Variants in PPP3CA observed in about 807,000 individuals in gnomAD.
PPP3CA encodes the protein CAM-PRP catalytic subunit.
Under a neutral mutation model 66.5 loss-of-function variants are expected in PPP3CA, and 14 were observed. The ratio of observed to expected loss-of-function variants is 0.21; its 90% CI spans 0.14 to 0.33. The LOEUF is 0.33. Among genes scored for constraint, PPP3CA ranks in the 10% least tolerant of loss-of-function variants. PPP3CA has a pLI of 1.00. For synonymous variants in PPP3CA, 232 were observed against 226.2 expected, an observed-to-expected ratio of 1.03 and a Z score of -0.23; for missense variants, 317 against 639.5, an observed-to-expected ratio of 0.50 and a Z score of 5.44.
chr4:101,346,903 G>GC lies in PPP3CA; in HGVS notation c.-108dup, dbSNP rs1730024650. The GC allele has an allele frequency of 5.9e-5, 80 of 1,366,660 alleles. No homozygotes were observed. Among genetic ancestry groups the GC allele is most frequent in the Non-Finnish European group, 7.8e-5 (77 of 987,452 alleles). 84.7% of individuals were successfully genotyped at this position (1,366,660 alleles called of 1,614,324 possible). A position where few individuals can be genotyped will look rare whatever the true frequency, so the allele number is the denominator to read the frequency against. ...CGCCGCCGCCGCCGCCGCCGCCGCCGCGCTGCAAACCGCTCGGCTGGAGGT... is the reference window on the plus strand; with the variant it reads ...CGCCGCCGCCGCCGCCGCCGCCGCCGCCGCTGCAAACCGCTCGGCTGGAGGT... On this transcript the variant is annotated 5_prime_UTR_variant, in exon 1 of 14. Transcript: ENST00000394854.
intron 4 of PPP3CA, 95 bp from the exon 5 acceptor site, chr4:101,098,607 C>T: frequency 8.4e-7 from 1 of 1,191,174 alleles, no homozygotes; most frequent in Non-Finnish European, 1.2e-6. Context: ...TTGCTAGGAC[C>T]CTATTATTAA....
At chr4:101,270,214 A>G (rs981815317) in intron 1 of PPP3CA, among the ~76,000 whole-genome samples, 6 of 152,186 alleles carry the variant, frequency 3.9e-5, no homozygotes, top group African/African-American at 1.4e-4. Context: ...GCTACTGCAT[A>G]AAAAGGAAGT....
At chr4:101,186,444 A>C (rs1421081792) in intron 2 of PPP3CA, among the ~76,000 whole-genome samples, 1 of 152,176 alleles carries the variant, frequency 6.6e-6, no homozygotes, top group Non-Finnish European at 1.5e-5. Context: ...ATTTACATCC[A>C]AATGATTCTC....
intron 1 of PPP3CA, among the ~76,000 whole-genome samples, chr4:101,237,088 T>C (rs932695485): frequency 6.0e-5 from 9 of 150,520 alleles, no homozygotes; most frequent in African/African-American, 2.2e-4. Context: ...AGATATAGTA[T>C]TGTTATTTTA....
intron 1 of PPP3CA, among the ~76,000 whole-genome samples, chr4:101,275,665 G>A (rs1039217364): frequency 6.6e-6 from 1 of 152,040 alleles, no homozygotes; most frequent in African/African-American, 2.4e-5. Context: ...ATTTAACAAA[G>A]GTCACATTTT....
At chr4:101,150,310 G>GTTCT (rs1723097608) in intron 2 of PPP3CA, among the ~76,000 whole-genome samples, 1 of 152,286 alleles carries the variant, frequency 6.6e-6, no homozygotes, top group African/African-American at 2.4e-5. Flanking sequence ...ACCGCTAACA[G>GTTCT]TTCTTAAGCT....
chr4:101,162,528 AAAAT>A (rs70961778), intron 2 of PPP3CA, among the ~76,000 whole-genome samples: 2,301 of 143,952 alleles, frequency 0.016, 61 homozygotes, highest in African/African-American at 0.047. Flanking sequence ...AGACTCCATC[AAAAT>A]AAATAAATAA....
chr4:101,126,823 GA>G (rs1316694880), intron 2 of PPP3CA, among the ~76,000 whole-genome samples: 1 of 152,146 alleles, frequency 6.6e-6, no homozygotes, highest in Non-Finnish European at 1.5e-5. Flanking sequence ...ACCTGTGTTG[GA>G]AAATGGCCAG....
chr4:101,030,101 T>A (rs1406669638), intron 12 of PPP3CA, among the ~76,000 whole-genome samples: 1 of 152,150 alleles, frequency 6.6e-6, no homozygotes, highest in African/African-American at 2.4e-5. Flanking sequence ...ATTTTTGTAA[T>A]AAGGTTAGGG....
At chr4:101,209,207 AG>A (rs1725229644) in intron 1 of PPP3CA, among the ~76,000 whole-genome samples, 1 of 152,220 alleles carries the variant, frequency 6.6e-6, no homozygotes, top group African/African-American at 2.4e-5. Context: ...AGAAATAAGG[AG>A]AAAATAAACA....
intron 1 of PPP3CA, among the ~76,000 whole-genome samples, chr4:101,270,213 T>C (rs970766986): frequency 6.6e-6 from 1 of 152,142 alleles, no homozygotes; most frequent in Non-Finnish European, 1.5e-5. Context: ...AGCTACTGCA[T>C]AAAAAGGAAG....
intron 2 of PPP3CA, among the ~76,000 whole-genome samples, chr4:101,112,842 A>G (rs928852983): frequency 6.6e-6 from 1 of 152,030 alleles, no homozygotes; most frequent in Admixed American, 6.6e-5. Flanking sequence ...CTGAAATATA[A>G]CCACTGCTAA....
intron 2 of PPP3CA, among the ~76,000 whole-genome samples, chr4:101,136,731 T>A (rs1180945100): frequency 6.6e-6 from 1 of 151,826 alleles, no homozygotes; most frequent in Non-Finnish European, 1.5e-5. Context: ...TACAAAGCAT[T>A]TGGGTTTTGT....
intron 3 of PPP3CA, among the ~76,000 whole-genome samples, chr4:101,102,110 C>T (rs1267583047): frequency 1.3e-5 from 2 of 152,116 alleles, no homozygotes; most frequent in African/African-American, 2.4e-5. Context: ...ATATTTACAC[C>T]TTTTAAATGA....
chr4:101,298,808 G>A (rs1444378825), intron 1 of PPP3CA, among the ~76,000 whole-genome samples: 1 of 151,110 alleles, frequency 6.6e-6, no homozygotes, highest in East Asian at 2.0e-4. Context: ...TGAGGGGTCA[G>A]TGCCCCAAGT....
chr4:101,309,303 C>T (rs1413495945), intron 1 of PPP3CA, among the ~76,000 whole-genome samples: 2 of 152,114 alleles, frequency 1.3e-5, no homozygotes, highest in East Asian at 1.9e-4. Context: ...CTTCCAGTTA[C>T]AAGGGGCTTT....
chr4:101,201,343 G>C (rs779784486), intron 1 of PPP3CA, among the ~76,000 whole-genome samples: 1 of 152,092 alleles, frequency 6.6e-6, no homozygotes, highest in Non-Finnish European at 1.5e-5. Context: ...TTTCAAAACT[G>C]GTTGCACACT....
At chr4:101,124,698 AAAG>A (rs1722149663) in intron 2 of PPP3CA, among the ~76,000 whole-genome samples, 1 of 101,480 alleles carries the variant, frequency 9.9e-6, no homozygotes, top group Non-Finnish European at 1.9e-5. Context: ...AGAAAGAAAG[AAAG>A]AAAGAAAGAA....
chr4:101,311,893 ATC>A (rs906403808), intron 1 of PPP3CA, among the ~76,000 whole-genome samples: 25 of 152,076 alleles, frequency 1.6e-4, no homozygotes, highest in African/African-American at 6.0e-4. Context: ...CCTTTTTTTT[ATC>A]TCTTTCCACT....
Sources: gnomAD v4.1 joint callset for allele counts (sites outside exome capture counted in the v4.1 genomes callset) on GRCh38, gnomAD v4.1.1 for gene constraint, MANE v1.5 for transcripts, NCBI Gene and HGNC (gene_info 2026-07-23, HGNC 2026-07-21) for gene names.